The following KIF1B variants were observed in gnomAD, a reference collection of about 807,000 sequenced individuals.
KIF1B encodes the protein kinesin-like protein KIF1B.
Under a neutral mutation model 241.9 loss-of-function variants are expected in KIF1B, and 76 were observed. That is an observed-to-expected ratio of 0.31 (90% confidence interval 0.26 to 0.38). The LOEUF is 0.38. Ranked by LOEUF, KIF1B falls within the 10% of genes least tolerant of loss-of-function variation. The probability of loss-of-function intolerance (pLI) is 1.00; values close to 1 mark genes in which losing one functional copy is unlikely to be tolerated. For missense variants in KIF1B, 1,622 were observed against 2,271.4 expected (o/e 0.71, Z 5.81); for synonymous variants, 750 against 796.7 (o/e 0.94, Z 0.99).
At chr1:10,288,151 C>T (rs1378438226) in intron 15 of KIF1B, among the ~76,000 whole-genome samples, 5 of 152,160 alleles carry the variant, frequency 3.3e-5, no homozygotes, top group African/African-American at 1.2e-4. Context: ...AAAAAGCAGT[C>T]ATATGCAAAA....
chr1:10,328,905 C>T (rs1359850127), intron 27 of KIF1B, among the ~76,000 whole-genome samples: 1 of 151,990 alleles, frequency 6.6e-6, no homozygotes, highest in African/African-American at 2.4e-5. Context: ...CATATTCTGT[C>T]ATCTACACTA....
At chr1:10,237,207 G>A (rs1647068741) in intron 2 of KIF1B, among the ~76,000 whole-genome samples, 1 of 152,140 alleles carries the variant, frequency 6.6e-6, no homozygotes, top group Admixed American at 6.6e-5. Context: ...CATGCAAATG[G>A]CTCTGTTCAA....
chr1:10,215,574 CTT>C (rs770772159), intron 1 of KIF1B, among the ~76,000 whole-genome samples: 2 of 148,866 alleles, frequency 1.3e-5, no homozygotes, highest in East Asian at 4.1e-4. Flanking sequence ...GAGACAGGCT[CTT>C]ACTCTATTGC....
intron 44 of KIF1B, among the ~76,000 whole-genome samples, chr1:10,369,984 C>T (rs529736396): frequency 1.4e-5 from 2 of 145,178 alleles, no homozygotes; most frequent in African/African-American, 2.6e-5. Context: ...CCAGGCATGG[C>T]GGCTCATGCC....
intron 2 of KIF1B, among the ~76,000 whole-genome samples, chr1:10,248,977 G>A (rs1204644149): frequency 6.6e-6 from 1 of 152,134 alleles, no homozygotes; most frequent in Non-Finnish European, 1.5e-5. Context: ...TGGATTATAG[G>A]AAGTAAAACA....
chr1:10,368,833 A>G (rs1263639909), intron 44 of KIF1B, among the ~76,000 whole-genome samples: 1 of 152,104 alleles, frequency 6.6e-6, no homozygotes, highest in Non-Finnish European at 1.5e-5. Context: ...GGGAGGTGGT[A>G]TGTTATTCTT....
chr1:10,298,119 T>TA (rs1650359962), intron 22 of KIF1B, among the ~76,000 whole-genome samples: 1 of 152,242 alleles, frequency 6.6e-6, no homozygotes, highest in Admixed American at 6.5e-5. Flanking sequence ...ATTCATTTGA[T>TA]ATGTAAGAAT....
intron 3 of KIF1B, among the ~76,000 whole-genome samples, chr1:10,256,751 G>A (rs1476726949): frequency 4.0e-5 from 6 of 150,980 alleles, no homozygotes; most frequent in Non-Finnish European, 5.9e-5. Flanking sequence ...TCACTCTGTC[G>A]CCCAGGCTGG....
chr1:10,234,341 G>A (rs748764995), intron 2 of KIF1B, among the ~76,000 whole-genome samples: 2 of 151,756 alleles, frequency 1.3e-5, no homozygotes, highest in Non-Finnish European at 2.9e-5. Context: ...TTGAGTAGCT[G>A]GGATTACAGG....
chr1:10,241,236 T>C (rs985954681), intron 2 of KIF1B, among the ~76,000 whole-genome samples: 10 of 151,992 alleles, frequency 6.6e-5, no homozygotes, highest in Admixed American at 2.0e-4. Flanking sequence ...CTCACTCCCC[T>C]AGTAGCTGGG....
chr1:10,347,839 G>T lies in KIF1B; in HGVS notation c.3864+12G>T, dbSNP rs915372130. 13 of 1,606,386 alleles carry T rather than the reference G, an allele frequency of 8.1e-6. No individual in the cohort carries two copies. The highest frequency in any genetic ancestry group is 1.1e-5 in the Non-Finnish European group (13 of 1,173,310). On this transcript the variant is annotated intron_variant, in intron 36 of 48. Transcript: ENST00000676179. ...TTTTGCTTCATCAGGTACTAATGAG[G>T]GACCAAAACAGGCATCGGAGGGAAC...
At chr1:10,278,964 A>C (rs1434687116) in intron 13 of KIF1B, 133 bp from the exon 14 acceptor site, 3 of 543,882 alleles carry the variant, frequency 5.5e-6, no homozygotes, top group Non-Finnish European at 1.0e-5. Flanking sequence ...TACCGTTTGT[A>C]AAAATGATAC....
At chr1:10,267,589 T>G (rs1569635717) in intron 6 of KIF1B, 31 bp downstream of exon 6, 1 of 1,609,230 alleles carries the variant, frequency 6.2e-7, no homozygotes, top group South Asian at 1.1e-5. Flanking sequence ...ATGACTGAGG[T>G]CTTTGGCACC....
In KIF1B at chr1:10,378,654, G is replaced by A. The variant is rs749660775; in HGVS notation, c.*2067G>A. On this transcript the variant is annotated 3_prime_UTR_variant, in exon 49 of 49. Transcript: ENST00000676179. ...CGCAGCAAAGGCCAGGGGCTTGCGCGCCTCTGCAGAGTTGTTGCTAGGGAG... is the reference window on the plus strand; with the variant it reads ...CGCAGCAAAGGCCAGGGGCTTGCGCACCTCTGCAGAGTTGTTGCTAGGGAG... 4.6e-5 allele frequency: 25 copies of A among 539,424 alleles called. No individual in the cohort carries two copies. Among genetic ancestry groups the A allele is most frequent in the Non-Finnish European group, 7.7e-5 (23 of 300,304 alleles). 33.4% of individuals were successfully genotyped at this position (539,424 alleles called of 1,614,324 possible). A position where few individuals can be genotyped will look rare whatever the true frequency, so the allele number is the denominator to read the frequency against.
chr1:10,335,801 C>T (rs561411325), intron 28 of KIF1B, among the ~76,000 whole-genome samples: 1 of 150,960 alleles, frequency 6.6e-6, no homozygotes, highest in East Asian at 1.9e-4. Flanking sequence ...TGAGGCCAAC[C>T]TGGGCAACAT....
chr1:10,220,386 AGATAGATAGAT>A (rs1389677584), intron 1 of KIF1B, among the ~76,000 whole-genome samples: 3 of 134,862 alleles, frequency 2.2e-5, no homozygotes, highest in African/African-American at 8.3e-5. Flanking sequence ...ATAGATAGAT[AGATAGATAGAT>A]GATAGATAGA....
chr1:10,217,353 T>A (rs1209112187), intron 1 of KIF1B, among the ~76,000 whole-genome samples: 3 of 150,966 alleles, frequency 2.0e-5, no homozygotes, highest in Non-Finnish European at 3.0e-5. Flanking sequence ...CTTTTTTTTT[T>A]TTTTTTGAGA....
rs1331233909 is a variant in KIF1B, at chr1:10,282,410, G to T, written c.1311G>T (p.Gly437=). The change falls in exon 15 of 49, where the codon GGG becomes GGT. Residue 437 remains glycine (G), a synonymous_variant. Coordinates refer to ENST00000676179, the MANE Select transcript of KIF1B (RefSeq NM_001365951.3). ...RPGHFSTASM[G]SLTSSPSSCS... is the part of the protein sequence containing the mutation. ...GCCATTTTTCCACAGCATCCATGGG[G>T]TCCCTCACTTCATCCCCATCTTCCT... The T allele has an allele frequency of 1.9e-6, 3 of 1,614,154 alleles. No homozygotes were observed. Among genetic ancestry groups the T allele is most frequent in the East Asian group, 2.2e-5 (1 of 44,890 alleles).
At chr1:10,227,832 G>A in intron 1 of KIF1B, 1 of 154,234 alleles carries the variant, frequency 6.5e-6, no homozygotes, top group South Asian at 2.0e-4. Flanking sequence ...TTGGGAAAAG[G>A]TAACATTCTA....
Sources: gnomAD v4.1 joint callset for allele counts (sites outside exome capture counted in the v4.1 genomes callset) on GRCh38, gnomAD v4.1.1 for gene constraint, MANE v1.5 for transcripts, NCBI Gene and HGNC (gene_info 2026-07-23, HGNC 2026-07-21) for gene names.